The following IFTAP variants were observed in gnomAD, a reference collection of about 807,000 sequenced individuals.
The protein encoded by IFTAP is intraflagellar transport associated protein, also known as intraflagellar transport-associated protein.
Under a neutral mutation model 19.4 loss-of-function variants are expected in IFTAP, and 19 were observed. The observed-to-expected ratio is 0.98, with a 90% CI of 0.68 to 1.44. IFTAP has a LOEUF of 1.44. IFTAP is among the 40% of genes most tolerant of loss of function. IFTAP has a pLI of 0.00. For missense variants in IFTAP, 240 were observed against 253.6 expected (o/e 0.95, Z 0.36); for synonymous variants, 85 against 83.5 (o/e 1.02, Z -0.10).
chr11:36,600,322 G>T (rs377190167), intron 1 of IFTAP, among the ~76,000 whole-genome samples: 1 of 152,234 alleles, frequency 6.6e-6, no homozygotes, highest in East Asian at 1.9e-4. Context: ...TCAGCAGTCT[G>T]TTAGGAACAG....
intron 5 of IFTAP, among the ~76,000 whole-genome samples, chr11:36,658,609 C>A (rs932196428): frequency 1.3e-4 from 19 of 151,990 alleles, no homozygotes; most frequent in Non-Finnish European, 2.8e-4. Context: ...TCTTTTTTAG[C>A]AAATGGTGAA....
intron 2 of IFTAP, 50 bp downstream of exon 2, chr11:36,610,289 T>C: frequency 6.7e-7 from 1 of 1,502,840 alleles, no homozygotes; most frequent in Non-Finnish European, 9.1e-7. Context: ...AATAATTTTA[T>C]TATAAGTGTA....
rs191767996 is a variant in IFTAP, at chr11:36,621,380, C to A, written c.136+11141C>A. On this transcript the variant is annotated intron_variant, in intron 2 of 5. Transcript: ENST00000334307. ...ATATGAAAATCAAACCACAATCTGTCTAGTATATGATTTTTAGTGTCTTTT... is the reference window on the plus strand; with the variant it reads ...ATATGAAAATCAAACCACAATCTGTATAGTATATGATTTTTAGTGTCTTTT... 2.4e-4 allele frequency among the ~76,000 whole-genome samples: 37 copies of A among 152,060 alleles called. No individual in the cohort carries two copies. The South Asian group carries it at 3.5e-3, about 14-fold the overall frequency.
rs1001307561 is a variant in IFTAP, at chr11:36,649,864, C to T, written c.498+1709C>T. ...ATTTTTTAGAGTAACTTTTCACAAC[C>T]GTCTAGAATCACAATACAGGTTGAA... On this transcript the variant is annotated intron_variant, in intron 5 of 5. Transcript: ENST00000334307. Among the ~76,000 whole-genome samples the T allele has an allele frequency of 8.5e-5, 13 of 152,112 alleles. No homozygotes were observed. In the East Asian group the frequency reaches 2.1e-3, roughly 25 times the overall value.
At chr11:36,630,038 C>A (rs1852671253) in intron 2 of IFTAP, among the ~76,000 whole-genome samples, 1 of 151,000 alleles carries the variant, frequency 6.6e-6, no homozygotes, top group African/African-American at 2.5e-5. Flanking sequence ...TGGAAGAGGA[C>A]CCTGATGAAA....
chr11:36,641,558 T>C (rs1332144849), intron 4 of IFTAP, among the ~76,000 whole-genome samples: 3 of 152,226 alleles, frequency 2.0e-5, no homozygotes, highest in African/African-American at 7.2e-5. Context: ...GAGCAGGTTG[T>C]TCAGTTTCCA....
intron 1 of IFTAP, among the ~76,000 whole-genome samples, chr11:36,600,662 A>G (rs1389164994): frequency 6.6e-6 from 1 of 152,236 alleles, no homozygotes; most frequent in Non-Finnish European, 1.5e-5. Flanking sequence ...TTGGTTGCAG[A>G]TGAACATGCC....
intron 1 of IFTAP, among the ~76,000 whole-genome samples, chr11:36,607,447 T>C (rs1851733541): frequency 6.6e-6 from 1 of 152,192 alleles, no homozygotes; most frequent in African/African-American, 2.4e-5. Flanking sequence ...AGGCTGGTTC[T>C]GGGAAAGCAC....
At chr11:36,639,624 G>T (rs1450234915) in intron 4 of IFTAP, among the ~76,000 whole-genome samples, 2 of 152,020 alleles carry the variant, frequency 1.3e-5, no homozygotes, top group Admixed American at 1.3e-4. Context: ...AGAGGTGCCA[G>T]GCTCTTTTCA....
chr11:36,650,886 C>T (rs1853695310), intron 5 of IFTAP, among the ~76,000 whole-genome samples: 1 of 152,120 alleles, frequency 6.6e-6, no homozygotes, highest in Admixed American at 6.6e-5. Context: ...GACATGAACT[C>T]ATCATTTTTT....
intron 2 of IFTAP, among the ~76,000 whole-genome samples, chr11:36,630,062 G>A (rs1174191542): frequency 6.6e-6 from 1 of 151,214 alleles, no homozygotes; most frequent in Non-Finnish European, 1.5e-5. Flanking sequence ...AGAAACAGAA[G>A]AAGATGAGAC....
chr11:36,632,934 G>A (rs771776816), intron 2 of IFTAP, among the ~76,000 whole-genome samples: 7 of 150,786 alleles, frequency 4.6e-5, no homozygotes, highest in Non-Finnish European at 1.0e-4. Flanking sequence ...TCCATACATT[G>A]CTTTCATATA....
chr11:36,624,525 A>C (rs1467663324), intron 2 of IFTAP, among the ~76,000 whole-genome samples: 1 of 152,200 alleles, frequency 6.6e-6, no homozygotes, highest in African/African-American at 2.4e-5. Flanking sequence ...GATGACAGAA[A>C]ACTCCAGCAG....
At chr11:36,646,739 G>A (rs1853501975) in intron 4 of IFTAP, among the ~76,000 whole-genome samples, 1 of 152,162 alleles carries the variant, frequency 6.6e-6, no homozygotes, top group Non-Finnish European at 1.5e-5. Context: ...TGAGGCTACT[G>A]TCTCTTAGCT....
intron 2 of IFTAP, among the ~76,000 whole-genome samples, chr11:36,618,739 T>C (rs1318630924): frequency 6.6e-6 from 1 of 152,008 alleles, no homozygotes; most frequent in Non-Finnish European, 1.5e-5. Context: ...TGATATACTA[T>C]GTAATTGGGA....
At chr11:36,649,267 A>C (rs971128487) in intron 5 of IFTAP, among the ~76,000 whole-genome samples, 11 of 152,168 alleles carry the variant, frequency 7.2e-5, no homozygotes, top group Non-Finnish European at 1.5e-4. Flanking sequence ...CACTGACATC[A>C]TGAAAGTATA....
intron 5 of IFTAP, among the ~76,000 whole-genome samples, chr11:36,648,735 C>T (rs1038283456): frequency 3.3e-5 from 5 of 152,146 alleles, no homozygotes; most frequent in African/African-American, 1.2e-4. Flanking sequence ...AGGTCATCAT[C>T]GTACCTGGAG....
chr11:36,622,707 C>T (rs571128244), intron 2 of IFTAP, among the ~76,000 whole-genome samples: 21 of 152,170 alleles, frequency 1.4e-4, no homozygotes, highest in African/African-American at 5.1e-4. Context: ...AAGACTTACT[C>T]ATGTGTAAAG....
rs559173696 is a variant in IFTAP, at chr11:36,626,722, C to T, written c.137-6562C>T. Among the ~76,000 whole-genome samples, 18 of 151,266 alleles carry T rather than the reference C, an allele frequency of 1.2e-4. 2 individuals are homozygous for T. The highest frequency in any genetic ancestry group is 3.9e-4 in the African/African-American group (16 of 40,618). ...GCCATGTGATAGAGAGTGACCTGAT[C>T]CTAGGACTCTGATGGTATGGTGGAG... On this transcript the variant is annotated intron_variant, in intron 2 of 5. Coordinates refer to ENST00000334307, the MANE Select transcript of IFTAP (RefSeq NM_138787.4).
Sources: gnomAD v4.1 joint callset for allele counts (sites outside exome capture counted in the v4.1 genomes callset) on GRCh38, gnomAD v4.1.1 for gene constraint, MANE v1.5 for transcripts, NCBI Gene and HGNC (gene_info 2026-07-23, HGNC 2026-07-21) for gene names.